LRRC53: variants seen among roughly 807,000 people sequenced by gnomAD.
The protein encoded by LRRC53 is leucine rich repeat containing 53.
Under a neutral mutation model 13.6 loss-of-function variants are expected in LRRC53, and 25 were observed. The observed-to-expected ratio is 1.83, with a 90% CI of 1.34 to 2.56. The LOEUF (loss-of-function observed/expected upper bound fraction) is 2.56, where lower values mean the gene tolerates loss of function less well. Among genes scored for constraint, LRRC53 ranks in the 30% most tolerant of loss-of-function variants. The pLI is 0.00. For missense variants in LRRC53, 527 were observed against 275.8 expected, an observed-to-expected ratio of 1.91 and a Z score of -6.45; for synonymous variants, 204 against 109.8, an observed-to-expected ratio of 1.86 and a Z score of -5.37.
the LRRC53 span, among the ~76,000 whole-genome samples, chr1:74,535,693 AG>A: frequency 1.3e-5 from 2 of 152,142 alleles, no homozygotes; most frequent in Admixed American, 6.6e-5. Flanking sequence ...TAGGAAATGC[AG>A]CATTTTGTTT....
intron 1 of LRRC53, among the ~76,000 whole-genome samples, chr1:74,511,683 C>T (rs2100382495): frequency 6.6e-6 from 1 of 152,004 alleles, no homozygotes; most frequent in Non-Finnish European, 1.5e-5. Context: ...GGGAGGAGGT[C>T]AGAGAAACAC....
At chr1:74,530,075 C>T in the LRRC53 span, among the ~76,000 whole-genome samples, 3 of 152,298 alleles carry the variant, frequency 2.0e-5, no homozygotes, top group Non-Finnish European at 4.4e-5. Context: ...AGAGATCCTA[C>T]TGCCTTGGCC....
chr1:74,475,659 T>A lies in LRRC53; in HGVS notation c.1056A>T (p.Gly352=), dbSNP rs1668168297. ...AHEARNYHTK[G]YCNCHLTQEN... is the part of the protein sequence containing the mutation. Reference sequence around the variant, plus strand: ...CCTGAGTTAAGTGGCAGTTGCAGTATCCCTTAGTGTGGTAATTTCTTGCCT... The same window carrying A: ...CCTGAGTTAAGTGGCAGTTGCAGTAACCCTTAGTGTGGTAATTTCTTGCCT... Residue 352 remains glycine (G), a synonymous_variant, in exon 4 of 5, where the codon GGA becomes GGT. Coordinates refer to ENST00000294635, the MANE Select transcript of LRRC53 (RefSeq NM_001382280.1). The A allele has an allele frequency of 1.4e-6, 1 of 716,208 alleles. No homozygotes were observed. The highest frequency in any genetic ancestry group is 2.6e-6 in the Non-Finnish European group (1 of 384,614). The allele number at this position is 716,208 out of a possible 1,614,324, so 44.4% of individuals were successfully genotyped here.
chr1:74,532,272 G>A, the LRRC53 span, among the ~76,000 whole-genome samples: 76,647 of 151,852 alleles, frequency 0.5, 20,339 homozygotes, highest in East Asian at 0.73. Flanking sequence ...TTTTAAAGAT[G>A]AAGCAAACAT....
At chr1:74,500,541 T>C (rs1338311854) in intron 1 of LRRC53, among the ~76,000 whole-genome samples, 2 of 130,312 alleles carry the variant, frequency 1.5e-5, no homozygotes, top group Admixed American at 9.4e-5. Flanking sequence ...GAGGCGGAGC[T>C]TGCAGTGAGC....
At chr1:74,496,191 G>A (rs1021513490) in intron 1 of LRRC53, among the ~76,000 whole-genome samples, 1 of 152,102 alleles carries the variant, frequency 6.6e-6, no homozygotes, top group African/African-American at 2.4e-5. Flanking sequence ...AGAATGATAC[G>A]ATGCTAACCT....
chr1:74,498,539 TA>T (rs1313230068), intron 1 of LRRC53, among the ~76,000 whole-genome samples: 2 of 152,204 alleles, frequency 1.3e-5, no homozygotes, highest in Non-Finnish European at 2.9e-5. Context: ...GAATATTAAA[TA>T]TTTTTATTTA....
rs1570664572 is a variant in LRRC53, at chr1:74,471,981, A to G, written c.1641T>C (p.Asn547=). 4.8e-6 allele frequency: 3 copies of G among 628,758 alleles called. No homozygotes were observed. The highest frequency in any genetic ancestry group is 2.8e-5 in the East Asian group (1 of 36,352). The allele number at this position is 628,758 out of a possible 1,614,324, so 38.9% of individuals were successfully genotyped here. The change falls in exon 5 of 5, where the codon AAT becomes AAC. Residue 547 remains asparagine (N), a synonymous_variant. Transcript: ENST00000294635. ...EHYVQKIVQK[N]RSKYDDPCGL... ...CACAAGGATCATCATATTTTGATCT[A>G]TTTTTTTGTACGATCTTTTGTACAT...
the LRRC53 span, among the ~76,000 whole-genome samples, chr1:74,524,215 A>G: frequency 6.6e-6 from 1 of 152,220 alleles, no homozygotes; most frequent in African/African-American, 2.4e-5. Flanking sequence ...TACCATCAGA[A>G]GTATTTAGAG....
At chr1:74,518,176 T>A in the LRRC53 span, among the ~76,000 whole-genome samples, 1 of 152,050 alleles carries the variant, frequency 6.6e-6, no homozygotes, top group Non-Finnish European at 1.5e-5. Flanking sequence ...ATTGGCCCAG[T>A]GGAGTAGATG....
intron 1 of LRRC53, among the ~76,000 whole-genome samples, chr1:74,487,307 C>A (rs1668815647): frequency 6.6e-6 from 1 of 151,928 alleles, no homozygotes. Flanking sequence ...AAAGTGAGGG[C>A]AAATTATGTA....
intron 1 of LRRC53, among the ~76,000 whole-genome samples, chr1:74,510,278 G>T (rs1476189302): frequency 6.6e-6 from 1 of 152,024 alleles, no homozygotes. Flanking sequence ...AGGCCGAGGC[G>T]GGCAGATCAC....
chr1:74,489,263 T>A, intron 1 of LRRC53: 1 of 1,604,532 alleles, frequency 6.2e-7, no homozygotes, highest in Non-Finnish European at 8.5e-7. Flanking sequence ...AAGCTTTAGC[T>A]TCTGAAATAT....
chr1:74,499,645 G>A (rs1316603291), intron 1 of LRRC53, among the ~76,000 whole-genome samples: 3 of 151,874 alleles, frequency 2.0e-5, no homozygotes, highest in Admixed American at 6.6e-5. Context: ...AAGAGGGGAG[G>A]GGGCTACTAC....
chr1:74,479,627 A>G (rs1308767310), intron 3 of LRRC53, among the ~76,000 whole-genome samples: 1 of 152,208 alleles, frequency 6.6e-6, no homozygotes, highest in African/African-American at 2.4e-5. Context: ...AACACTGCAG[A>G]CTAAGATATA....
At chr1:74,522,961 G>A in the LRRC53 span, among the ~76,000 whole-genome samples, 1 of 152,194 alleles carries the variant, frequency 6.6e-6, no homozygotes, top group Non-Finnish European at 1.5e-5. Context: ...ACTGGAAATT[G>A]AAGAATCCAA....
chr1:74,482,097 C>T (rs192589829), intron 2 of LRRC53, among the ~76,000 whole-genome samples: 11 of 152,056 alleles, frequency 7.2e-5, no homozygotes, highest in African/African-American at 1.4e-4. Flanking sequence ...CTGGCCAGTT[C>T]GGCATTTTGT....
the LRRC53 span, among the ~76,000 whole-genome samples, chr1:74,531,556 G>A: frequency 6.6e-6 from 1 of 152,176 alleles, no homozygotes; most frequent in African/African-American, 2.4e-5. Context: ...AAATAGATCT[G>A]TTTTCAGCTA....
Position 74,480,561 on chromosome 1 carries a change from T to C in LRRC53, c.496A>G (p.Asn166Asp). 1.4e-6 allele frequency: 1 copy of C among 717,362 alleles called. No homozygotes were observed. The highest frequency in any genetic ancestry group is 2.6e-6 in the Non-Finnish European group (1 of 385,092). The allele number at this position is 717,362 out of a possible 1,614,324, so 44.4% of individuals were successfully genotyped here. The change falls in exon 3 of 5, where the codon AAC (asparagine) becomes GAC (aspartate). Residue 166 changes from asparagine to aspartate, a missense_variant. Transcript: ENST00000294635. ...LHSLRYLDLSNNFISYIGKDA... is the reference protein window; with the variant it reads ...LHSLRYLDLSDNFISYIGKDA... ...TTCCCAATGTAGGAAATAAAATTGT[T>C]GGATAAATCCAGATACCTGAGACTG...
Sources: allele counts gnomAD v4.1 joint callset (sites outside exome capture counted in the v4.1 genomes callset), GRCh38; gene constraint gnomAD v4.1.1; transcripts MANE v1.5; gene names NCBI Gene and HGNC (gene_info 2026-07-23, HGNC 2026-07-21).